Variants in MLPH observed in about 807,000 individuals in gnomAD.
MLPH encodes exophilin-3.
Under a neutral mutation model 72.1 loss-of-function variants are expected in MLPH, and 51 were observed. That is an observed-to-expected ratio of 0.71 (90% CI 0.56 to 0.89). MLPH has a LOEUF of 0.89. Ranked by LOEUF, MLPH falls within the 40% of genes least tolerant of loss-of-function variation. MLPH has a pLI of 0.00. For missense variants in MLPH, 743 were observed against 759.9 expected, an observed-to-expected ratio of 0.98 and a Z score of 0.26; for synonymous variants, 301 against 310.1, an observed-to-expected ratio of 0.97 and a Z score of 0.31.
At position 237,554,954 on chromosome 2, in the gene MLPH, C is replaced by T. The variant is rs1045645151; in HGVS notation, c.*1362C>T. ...TTTTTCCATATAATTCCCAGCCTTA[C>T]TTATAAATTCTATTCTTTGAAAAAA... On this transcript the variant is annotated 3_prime_UTR_variant, in exon 16 of 16. Coordinates refer to ENST00000264605, the MANE Select transcript of MLPH (RefSeq NM_024101.7). 15 of 152,110 alleles carry T rather than the reference C, an allele frequency of 9.9e-5. No homozygotes were observed. Among genetic ancestry groups the T allele is most frequent in the Admixed American group, 8.5e-4 (13 of 15,274 alleles). The allele number at this position is 152,110 out of a possible 1,614,324, so 9.4% of individuals were successfully genotyped here. A position where few individuals can be genotyped will look rare whatever the true frequency, so the allele number is the denominator to read the frequency against.
At chr2:237,517,759 GGATGGATA>G (rs762484608) in intron 4 of MLPH, among the ~76,000 whole-genome samples, 2 of 128,268 alleles carry the variant, frequency 1.6e-5, no homozygotes, top group Admixed American at 7.3e-5. Context: ...ATGGATGGAT[GGATGGATA>G]AGTAAATGGA....
chr2:237,513,146 G>A (rs975253413), intron 4 of MLPH, among the ~76,000 whole-genome samples: 12 of 151,604 alleles, frequency 7.9e-5, no homozygotes, highest in Middle Eastern at 3.2e-3. Context: ...TAAGGTTAAT[G>A]TTTTGAAACC....
chr2:237,523,795 G>A (rs2080240481), intron 6 of MLPH, among the ~76,000 whole-genome samples: 2 of 152,138 alleles, frequency 1.3e-5, no homozygotes, highest in South Asian at 4.1e-4. Flanking sequence ...GGAGAACGAG[G>A]CCATAGTCAC....
At chr2:237,550,769 G>A (rs923519338) in intron 14 of MLPH, among the ~76,000 whole-genome samples, 8 of 152,116 alleles carry the variant, frequency 5.3e-5, no homozygotes, top group South Asian at 4.1e-4. Flanking sequence ...GGCTGGTCTC[G>A]AACTCCTGAC....
intron 9 of MLPH, among the ~76,000 whole-genome samples, chr2:237,536,906 C>CTTG (rs2080543100): frequency 1.3e-5 from 2 of 152,308 alleles, no homozygotes; most frequent in South Asian, 4.1e-4. Context: ...TACCTCCTGG[C>CTTG]TTTGGCCTTT....
chr2:237,546,117 T>A (rs1169786899), intron 12 of MLPH, among the ~76,000 whole-genome samples: 1 of 152,230 alleles, frequency 6.6e-6, no homozygotes, highest in African/African-American at 2.4e-5. Flanking sequence ...GGGGGCTTCC[T>A]GGTTGTAGTA....
chr2:237,517,685 GTGGATGGATGGATGGA>G (rs58713081), intron 4 of MLPH, among the ~76,000 whole-genome samples: 7 of 137,596 alleles, frequency 5.1e-5, no homozygotes, highest in South Asian at 4.7e-4. Flanking sequence ...GGGTAGATGG[GTGGATGGATGGATGGA>G]TGGATGGATG....
chr2:237,532,269 G>T (rs2080435745), intron 8 of MLPH, among the ~76,000 whole-genome samples: 1 of 152,226 alleles, frequency 6.6e-6, no homozygotes, highest in African/African-American at 2.4e-5. Flanking sequence ...TCATCTGAGG[G>T]GTCAGGCAGC....
intron 1 of MLPH, among the ~76,000 whole-genome samples, chr2:237,489,551 G>A (rs1011749356): frequency 1.3e-5 from 2 of 152,180 alleles, no homozygotes; most frequent in African/African-American, 2.4e-5. Flanking sequence ...CAGCATTCGG[G>A]AAACAGCCAC....
intron 12 of MLPH, among the ~76,000 whole-genome samples, chr2:237,544,348 A>G (rs1380764083): frequency 2.2e-3 from 4 of 1,826 alleles, no homozygotes; most frequent in Non-Finnish European, 2.1e-3. Context: ...ACAGTGGTGA[A>G]TGGGGACAGT....
intron 9 of MLPH, among the ~76,000 whole-genome samples, chr2:237,536,741 C>A (rs1267650758): frequency 6.6e-6 from 1 of 152,220 alleles, no homozygotes; most frequent in Admixed American, 6.5e-5. Context: ...TCCTTCACCC[C>A]CTTCCTGCCC....
chr2:237,539,589 G>T (rs1021460748), intron 9 of MLPH, among the ~76,000 whole-genome samples: 1 of 152,188 alleles, frequency 6.6e-6, no homozygotes, highest in African/African-American at 2.4e-5. Flanking sequence ...TGAAAGGCCA[G>T]CGTCCACAAC....
intron 4 of MLPH, among the ~76,000 whole-genome samples, chr2:237,516,326 C>T (rs62186169): frequency 1.7e-4 from 26 of 152,122 alleles, no homozygotes; most frequent in Non-Finnish European, 3.2e-4. Flanking sequence ...GAGGGAGAGA[C>T]GGTGGGGCTG....
At chr2:237,528,591 T>TC (rs1216895711) in intron 8 of MLPH, among the ~76,000 whole-genome samples, 1 of 152,050 alleles carries the variant, frequency 6.6e-6, no homozygotes, top group Non-Finnish European at 1.5e-5. Flanking sequence ...CCTCAGGTGA[T>TC]CCCCCCACCT....
At chr2:237,526,627 G>A (rs1344721846) in intron 7 of MLPH, among the ~76,000 whole-genome samples, 4 of 152,142 alleles carry the variant, frequency 2.6e-5, no homozygotes, top group East Asian at 1.9e-4. Flanking sequence ...CACGTCGACC[G>A]GAGGCAGTCT....
intron 6 of MLPH, among the ~76,000 whole-genome samples, chr2:237,520,997 G>C (rs2080170103): frequency 6.6e-6 from 1 of 152,168 alleles, no homozygotes; most frequent in Non-Finnish European, 1.5e-5. Flanking sequence ...CTAGCAAGAA[G>C]CCTAAGGTGT....
At chr2:237,503,034 G>A (rs10195906) in intron 2 of MLPH, among the ~76,000 whole-genome samples, 6,978 of 152,154 alleles carry the variant, frequency 0.046, 521 homozygotes, top group African/African-American at 0.16. Context: ...CAGGAGAATC[G>A]CTTGAACCCG....
In MLPH at chr2:237,542,669, G is replaced by C. The variant is rs1559372635; in HGVS notation, c.1539+10G>C. On this transcript the variant is annotated intron_variant, in intron 12 of 15. Coordinates refer to ENST00000264605, the MANE Select transcript of MLPH (RefSeq NM_024101.7). ...GAAGTCAAACCTCCCGGTGAGTGGG[G>C]GGCAGTGGTGAGTGGAGACAGTGCT... is the stretch of plus-strand genomic sequence containing the variant. The C allele has an allele frequency of 6.4e-7, 1 of 1,555,966 alleles. No homozygotes were observed. Among genetic ancestry groups the C allele is most frequent in the Non-Finnish European group, 8.7e-7 (1 of 1,149,670 alleles).
In MLPH at chr2:237,540,807, C is replaced by T; in HGVS notation, c.1296C>T (p.Gly432=). The change falls in exon 11 of 16, where the codon GGC becomes GGT. Residue 432 remains glycine, a synonymous_variant. Transcript: ENST00000264605. ...GPLPQADPEV[G]TAAHQTNRQE... is the part of the protein sequence containing the mutation. ...TCCGTCCTTCTCTTTCCTAGGTGGG[C>T]ACGGCTGCCCATCAAACCAACAGAC... The T allele has an allele frequency of 6.2e-7, 1 of 1,613,132 alleles. No individual in the cohort carries two copies. Among genetic ancestry groups the T allele is most frequent in the Admixed American group, 1.7e-5 (1 of 59,992 alleles).
Sources: allele counts gnomAD v4.1 joint callset (sites outside exome capture counted in the v4.1 genomes callset), GRCh38; gene constraint gnomAD v4.1.1; transcripts MANE v1.5; gene names NCBI Gene and HGNC (gene_info 2026-07-23, HGNC 2026-07-21).